Variants in CFAP20DC observed in about 807,000 individuals in gnomAD.
The protein encoded by CFAP20DC is protein CFAP20DC.
A neutral mutation model predicts 101.7 loss-of-function variants in CFAP20DC; 84 were observed. The observed-to-expected ratio is 0.83, with a 90% confidence interval of 0.69 to 0.99. The LOEUF (loss-of-function observed/expected upper bound fraction) is 0.99. Ranked by LOEUF, CFAP20DC falls within the 50% of genes least tolerant of loss-of-function variation. The pLI, the probability that CFAP20DC is intolerant of heterozygous loss-of-function variation, is 0.00. For missense variants in CFAP20DC, 1,007 were observed against 970.3 expected (o/e 1.04, Z -0.50); for synonymous variants, 359 against 351.2 (o/e 1.02, Z -0.25).
intron 1 of CFAP20DC, among the ~76,000 whole-genome samples, chr3:59,047,672 C>T (rs539680229): frequency 9.7e-4 from 147 of 152,304 alleles, no homozygotes; most frequent in African/African-American, 3.3e-3. Flanking sequence ...CAAATACAAG[C>T]TTTCTAGTCA....
At chr3:58,941,194 T>C (rs1199936277) in intron 4 of CFAP20DC, among the ~76,000 whole-genome samples, 1 of 151,456 alleles carries the variant, frequency 6.6e-6, no homozygotes, top group East Asian at 1.9e-4. Flanking sequence ...CTGGGTGTAG[T>C]GGCACATGCC....
intron 4 of CFAP20DC, among the ~76,000 whole-genome samples, chr3:58,978,716 CAAAAA>C (rs201916298): frequency 1.5e-5 from 1 of 66,554 alleles, no homozygotes; most frequent in Non-Finnish European, 3.4e-5. Context: ...TCCCTGTCTG[CAAAAA>C]AAAAAAAAAA....
chr3:58,751,864 CACAA>C (rs2068598186), intron 16 of CFAP20DC, among the ~76,000 whole-genome samples: 1 of 135,324 alleles, frequency 7.4e-6, no homozygotes, highest in East Asian at 4.6e-4. Context: ...CACACACACA[CACAA>C]AATTTCCTCC....
chr3:58,856,136 T>A (rs1190970745), intron 12 of CFAP20DC, among the ~76,000 whole-genome samples: 3 of 151,230 alleles, frequency 2.0e-5, no homozygotes, highest in Non-Finnish European at 2.9e-5. Context: ...AAAACCCCTC[T>A]CCTAACAAAT....
rs1443443458 is a variant in CFAP20DC, at chr3:58,912,428, A to T, written c.550+1280T>A. On this transcript the variant is annotated intron_variant, in intron 6 of 16. Transcript: ENST00000482387. This position sits in a 1 kb window ranked among gnomAD's most constrained non-coding sequence, Gnocchi z 4.4. ...GATCTCTTTGGAGAGCTGTTAATAC[A>T]CTGCTGTGCTTTATTATCAAATGAA... The T allele has an allele frequency of 6.7e-5, 14 of 207,780 alleles. No individual in the cohort carries two copies. Among genetic ancestry groups the T allele is most frequent in the Admixed American group, 6.0e-4 (11 of 18,278 alleles). 12.9% of individuals were successfully genotyped at this position (207,780 alleles called of 1,614,324 possible).
chr3:58,882,631 A>G lies in CFAP20DC; in HGVS notation c.715+1914T>C, dbSNP rs952813443. Among the ~76,000 whole-genome samples, 1 of 152,210 alleles carries G rather than the reference A, an allele frequency of 6.6e-6. No individual in the cohort carries two copies. On this transcript the variant is annotated intron_variant, in intron 7 of 16. Coordinates refer to ENST00000482387, the MANE Select transcript of CFAP20DC (RefSeq NM_001394063.1). The surrounding 1 kb of genome is among the most constrained non-coding windows in gnomAD (Gnocchi z 4.2). ...TTGAATTGTGACCCAAAGTGTTTAC[A>G]GTAGCTGTCTGGGTAGTCAGATCTT... is the stretch of plus-strand genomic sequence containing the variant.
intron 4 of CFAP20DC, among the ~76,000 whole-genome samples, chr3:59,022,160 G>A (rs775870459): frequency 6.6e-6 from 1 of 152,012 alleles, no homozygotes; most frequent in Non-Finnish European, 1.5e-5. Flanking sequence ...TTTTAAAAGT[G>A]TCAGAAATCA....
rs2082369480 is a variant in CFAP20DC, at chr3:58,892,931, A to G, written c.551-8222T>C. ...GCTGGTTTCCAAGGGGAATGCTTTCAGCTTTTGCCTGTTCAGTATGATATT... is the reference window on the plus strand; with the variant it reads ...GCTGGTTTCCAAGGGGAATGCTTTCGGCTTTTGCCTGTTCAGTATGATATT... On this transcript the variant is annotated intron_variant, in intron 6 of 16. Transcript: ENST00000482387. This position sits in a 1 kb window ranked among gnomAD's most constrained non-coding sequence, Gnocchi z 4.0. Among the ~76,000 whole-genome samples, 1 of 152,040 alleles carries G rather than the reference A, an allele frequency of 6.6e-6. No homozygotes were observed. Among genetic ancestry groups the G allele is most frequent in the South Asian group, 2.1e-4 (1 of 4,822 alleles).
At chr3:58,791,440 A>G (rs1439131200) in intron 15 of CFAP20DC, among the ~76,000 whole-genome samples, 16 of 152,094 alleles carry the variant, frequency 1.1e-4, no homozygotes, top group Admixed American at 1.0e-3. Context: ...CAACCTTTTG[A>G]TTCTAGAGAC....
At chr3:58,990,919 T>A (rs182922436) in intron 4 of CFAP20DC, among the ~76,000 whole-genome samples, 52 of 152,282 alleles carry the variant, frequency 3.4e-4, no homozygotes, top group East Asian at 5.8e-4. Flanking sequence ...TTATTTTTTT[T>A]AAAAACCTGC....
rs1252690332 is a variant in CFAP20DC, at chr3:58,913,633, T to C, written c.550+75A>G. On this transcript the variant is annotated intron_variant, in intron 6 of 16. Coordinates refer to ENST00000482387, the MANE Select transcript of CFAP20DC (RefSeq NM_001394063.1). The surrounding 1 kb of genome is among the most constrained non-coding windows in gnomAD (Gnocchi z 4.4). ...ACATCAAACTGCTACCACACACTCA[T>C]ACTATCCCAAAGGTATGGCTAATTT... The C allele has an allele frequency of 1.4e-6, 2 of 1,457,562 alleles. No individual in the cohort carries two copies. The highest frequency in any genetic ancestry group is 1.9e-6 in the Non-Finnish European group (2 of 1,039,722). 90.3% of individuals were successfully genotyped at this position (1,457,562 alleles called of 1,614,324 possible).
chr3:58,760,501 C>G (rs1038927701), intron 15 of CFAP20DC, among the ~76,000 whole-genome samples: 4 of 152,138 alleles, frequency 2.6e-5, no homozygotes, highest in Non-Finnish European at 5.9e-5. Context: ...TTGACTTCCT[C>G]TTTTCCTAAT....
intron 6 of CFAP20DC, among the ~76,000 whole-genome samples, chr3:58,907,169 A>C (rs1229294033): frequency 6.6e-6 from 1 of 152,002 alleles, no homozygotes; most frequent in African/African-American, 2.4e-5. Flanking sequence ...AAACAATCAG[A>C]ATAACTGAAG....
At chr3:58,873,621 T>C (rs1238439192) in intron 7 of CFAP20DC, among the ~76,000 whole-genome samples, 3 of 151,150 alleles carry the variant, frequency 2.0e-5, no homozygotes, top group African/African-American at 4.9e-5. Flanking sequence ...GAAGTCTGGA[T>C]AGCTATTCTG....
chr3:58,822,605 T>C (rs1218351581), intron 14 of CFAP20DC, among the ~76,000 whole-genome samples: 1 of 151,758 alleles, frequency 6.6e-6, no homozygotes, highest in Non-Finnish European at 1.5e-5. Flanking sequence ...AAAAAGACTA[T>C]ACAGACTGAT....
intron 15 of CFAP20DC, among the ~76,000 whole-genome samples, chr3:58,783,383 C>G (rs190910982): frequency 6.6e-6 from 1 of 151,792 alleles, no homozygotes; most frequent in Non-Finnish European, 1.5e-5. Context: ...AATGTTATGG[C>G]CAAGTCCTCA....
At chr3:58,890,354 A>G (rs2082077368) in intron 6 of CFAP20DC, among the ~76,000 whole-genome samples, 1 of 130,098 alleles carries the variant, frequency 7.7e-6, no homozygotes, top group Non-Finnish European at 1.6e-5. Context: ...GGCCGGGCAG[A>G]GGGGCTCCTC....
At chr3:58,947,467 T>C (rs548058140) in intron 4 of CFAP20DC, among the ~76,000 whole-genome samples, 1 of 152,300 alleles carries the variant, frequency 6.6e-6, no homozygotes, top group South Asian at 2.1e-4. Flanking sequence ...TAAGCTCTCT[T>C]TGGGCTGGTA....
intron 15 of CFAP20DC, among the ~76,000 whole-genome samples, chr3:58,801,050 T>TGA (rs143776206): frequency 0.038 from 4,969 of 131,620 alleles, 106 homozygotes; most frequent in Non-Finnish European, 0.053. Context: ...GGGGAGTAAG[T>TGA]GAGAGAGAGA....
Sources: allele counts gnomAD v4.1 joint callset (sites outside exome capture counted in the v4.1 genomes callset), GRCh38; gene constraint gnomAD v4.1.1; non-coding constraint Gnocchi (gnomAD v3.1); transcripts MANE v1.5; gene names NCBI Gene and HGNC (gene_info 2026-07-23, HGNC 2026-07-21).